The following STON1 variants were observed in gnomAD, a reference collection of about 807,000 sequenced individuals.
STON1 encodes the protein stonin-1.
A neutral mutation model predicts 60.9 loss-of-function variants in STON1; 79 were observed. The ratio of observed to expected loss-of-function variants is 1.30; its 90% confidence interval spans 1.08 to 1.56. STON1 has a LOEUF of 1.56. Ranked by LOEUF, STON1 falls within the 40% of genes most tolerant of loss-of-function variation. The probability of loss-of-function intolerance (pLI) is 0.00; values close to 1 mark genes in which losing one functional copy is unlikely to be tolerated. For synonymous variants in STON1, 363 were observed against 306.9 expected, an observed-to-expected ratio of 1.18 and a Z score of -1.91; for missense variants, 1,166 against 858.9, an observed-to-expected ratio of 1.36 and a Z score of -4.47.
rs1268909304 is a variant in STON1, at chr2:48,579,456, C to A, written c.-47-1131C>A. 5.9e-5 allele frequency among the ~76,000 whole-genome samples: 9 copies of A among 152,148 alleles called. No homozygotes were observed. The East Asian group carries it at 1.7e-3, about 29-fold the overall frequency. ...TTTGTCTCAAGATATTTTCTAATTT[C>A]CTTTTTTATTTCTCCTTTGATCCAT... On this transcript the variant is annotated intron_variant, in intron 1 of 3. Coordinates refer to ENST00000404752, the MANE Select transcript of STON1 (RefSeq NM_006873.4).
At chr2:48,568,678 G>C (rs1020624499) in intron 1 of STON1, among the ~76,000 whole-genome samples, 1 of 152,148 alleles carries the variant, frequency 6.6e-6, no homozygotes, top group Non-Finnish European at 1.5e-5. Context: ...AGTCAAGAAG[G>C]GGCAGGAAAT....
rs771098919 is a variant in STON1 at position 48,591,864 on chromosome 2, C to G, written c.2133+9C>G. 2 of 1,613,250 alleles carry G rather than the reference C, an allele frequency of 1.2e-6. No individual in the cohort carries two copies. The highest frequency in any genetic ancestry group is 2.2e-5 in the South Asian group (2 of 90,946). On this transcript the variant is annotated intron_variant, in intron 3 of 3. Coordinates refer to ENST00000404752, the MANE Select transcript of STON1 (RefSeq NM_006873.4). ...CTTGCTACAACATCCAGGTACATCC[C>G]AAAACTTCTAGAACTGTGACCTGAT...
Position 48,566,264 on chromosome 2 carries a change from C to T in STON1, c.-47-14323C>T, listed in dbSNP as rs529685064. On this transcript the variant is annotated intron_variant, in intron 1 of 3. Coordinates refer to ENST00000404752, the MANE Select transcript of STON1 (RefSeq NM_006873.4). Reference sequence around the variant, plus strand: ...CATCTTGGCTCACTGCAACCTCCACCTCCCAGGTTCAAGTGATTCTCCTGC... The same window carrying T: ...CATCTTGGCTCACTGCAACCTCCACTTCCCAGGTTCAAGTGATTCTCCTGC... Among the ~76,000 whole-genome samples, 6 of 152,276 alleles carry T rather than the reference C, an allele frequency of 3.9e-5. No homozygotes were observed. In the South Asian group the frequency reaches 1.0e-3, roughly 26 times the overall value.
At chr2:48,552,859 CAT>C (rs1672159790) in intron 1 of STON1, among the ~76,000 whole-genome samples, 1 of 152,112 alleles carries the variant, frequency 6.6e-6, no homozygotes, top group South Asian at 2.1e-4. Flanking sequence ...TCACAGAAAA[CAT>C]GTAGAGGTTG....
At chr2:48,560,403 C>G (rs1271686446) in intron 1 of STON1, among the ~76,000 whole-genome samples, 1 of 152,164 alleles carries the variant, frequency 6.6e-6, no homozygotes, top group Non-Finnish European at 1.5e-5. Context: ...ACCTGGGGAC[C>G]CCTTAGGGAT....
intron 1 of STON1, among the ~76,000 whole-genome samples, chr2:48,577,905 C>T (rs1485823044): frequency 3.3e-5 from 5 of 151,196 alleles, no homozygotes; most frequent in Non-Finnish European, 5.9e-5. Flanking sequence ...CATGAGCCAC[C>T]GAGCCCGGCC....
chr2:48,581,368 T>C lies in STON1; in HGVS notation c.735T>C (p.Leu245=). 6.4e-7 allele frequency: 1 copy of C among 1,573,720 alleles called. No homozygotes were observed. Among genetic ancestry groups the C allele is most frequent in the Non-Finnish European group, 8.6e-7 (1 of 1,160,494 alleles). ...AGTCAGCTGAGAACCAAGACTCACTTAGAAGTTTGTCTATGCACTGTCTAT... is the reference window on the plus strand; with the variant it reads ...AGTCAGCTGAGAACCAAGACTCACTCAGAAGTTTGTCTATGCACTGTCTAT... The part of the protein sequence containing the change: ...HLQSAENQDS[L]RSLSMHCLCA... The change falls in exon 2 of 4, where the codon CTT becomes CTC. Residue 245 remains leucine (L), a synonymous_variant. Transcript: ENST00000404752.
chr2:48,564,360 A>C (rs903934559), intron 1 of STON1, among the ~76,000 whole-genome samples: 1 of 151,714 alleles, frequency 6.6e-6, no homozygotes, highest in Non-Finnish European at 1.5e-5. Flanking sequence ...ACATCCTCAC[A>C]TGGCAGAAAG....
intron 2 of STON1, among the ~76,000 whole-genome samples, chr2:48,588,840 A>C (rs1426048562): frequency 1.3e-5 from 2 of 152,086 alleles, no homozygotes; most frequent in Non-Finnish European, 2.9e-5. Context: ...AATGCTTAGT[A>C]TTCCTTTGAC....
At chr2:48,548,212 C>T (rs570645447) in intron 1 of STON1, among the ~76,000 whole-genome samples, 19 of 152,320 alleles carry the variant, frequency 1.2e-4, no homozygotes, top group African/African-American at 4.1e-4. Flanking sequence ...ATTATTTCCT[C>T]ATCTATTTTC....
intron 3 of STON1, among the ~76,000 whole-genome samples, chr2:48,594,784 G>T (rs1284163223): frequency 6.6e-6 from 1 of 152,082 alleles, no homozygotes; most frequent in Admixed American, 6.5e-5. Flanking sequence ...TAGTTTTGCA[G>T]CAACCTAATA....
intron 3 of STON1, among the ~76,000 whole-genome samples, chr2:48,594,143 A>G (rs1674675046): frequency 6.6e-6 from 1 of 152,120 alleles, no homozygotes; most frequent in South Asian, 2.1e-4. Flanking sequence ...TCCCCCATGA[A>G]TGTTGAACTC....
At chr2:48,591,979 G>A (rs1275130173) in intron 3 of STON1, 124 bp downstream of exon 3, 1 of 1,333,884 alleles carries the variant, frequency 7.5e-7, no homozygotes, top group East Asian at 2.6e-5. Context: ...CCCTAGAGAG[G>A]ATCTCAGCTA....
At chr2:48,590,477 A>G (rs948899359) in intron 2 of STON1, among the ~76,000 whole-genome samples, 2 of 152,146 alleles carry the variant, frequency 1.3e-5, no homozygotes, top group African/African-American at 4.8e-5. Context: ...TGGTACAGTA[A>G]TTTAATCTGG....
intron 2 of STON1, 55 bp downstream of exon 2, chr2:48,582,618 A>C: frequency 3.2e-6 from 5 of 1,555,066 alleles, no homozygotes; most frequent in South Asian, 1.3e-5. Flanking sequence ...AAATATTCTT[A>C]CCTTCCTCCT....
At chr2:48,579,166 G>C (rs1286111270) in intron 1 of STON1, among the ~76,000 whole-genome samples, 1 of 151,598 alleles carries the variant, frequency 6.6e-6, no homozygotes, top group Non-Finnish European at 1.5e-5. Context: ...ACCATGCCCA[G>C]CTAATTTTTT....
intron 3 of STON1, among the ~76,000 whole-genome samples, chr2:48,594,508 C>T (rs1328554171): frequency 6.6e-6 from 1 of 152,134 alleles, no homozygotes; most frequent in Non-Finnish European, 1.5e-5. Flanking sequence ...GAGACAAAGT[C>T]CCTGTCCTCA....
At chr2:48,555,336 T>C (rs1572941421) in intron 1 of STON1, among the ~76,000 whole-genome samples, 16 of 35,596 alleles carry the variant, frequency 4.5e-4, no homozygotes, top group Non-Finnish European at 6.7e-4. Flanking sequence ...CCCCCCCACC[T>C]CCCTCCCGGA....
chr2:48,568,942 TG>T (rs1448951337), intron 1 of STON1: 1 of 152,106 alleles, frequency 6.6e-6, no homozygotes, highest in African/African-American at 2.4e-5. Context: ...TAGTGAAGGG[TG>T]GGGTGGTGGA....
Sources: gnomAD v4.1 joint callset for allele counts (sites outside exome capture counted in the v4.1 genomes callset) on GRCh38, gnomAD v4.1.1 for gene constraint, MANE v1.5 for transcripts, NCBI Gene and HGNC (gene_info 2026-07-23, HGNC 2026-07-21) for gene names.